Variants in CISD1 observed in about 807,000 individuals in gnomAD.
CISD1 encodes CDGSH iron-sulfur domain-containing protein 1.
Under a neutral mutation model 12.0 loss-of-function variants are expected in CISD1, and 8 were observed. The ratio of observed to expected loss-of-function variants is 0.67; its 90% CI spans 0.39 to 1.20. CISD1 has a LOEUF of 1.20. Ranked by LOEUF, CISD1 falls within the 50% of genes most tolerant of loss-of-function variation. CISD1 has a pLI of 0.01. For missense variants in CISD1, 107 were observed against 132.7 expected, an observed-to-expected ratio of 0.81 and a Z score of 0.95; for synonymous variants, 38 against 42.2, an observed-to-expected ratio of 0.90 and a Z score of 0.39.
At chr10:58,287,300 C>A (rs892021144) in intron 2 of CISD1, among the ~76,000 whole-genome samples, 1 of 152,132 alleles carries the variant, frequency 6.6e-6, no homozygotes, top group Non-Finnish European at 1.5e-5. Context: ...AGGAATGTAA[C>A]TAATATATAA....
chr10:58,275,989 G>A (rs1271080198), intron 1 of CISD1: 1 of 152,012 alleles, frequency 6.6e-6, no homozygotes, highest in East Asian at 1.9e-4. Flanking sequence ...GTGTTTTTTT[G>A]TACTTGTCTG....
At chr10:58,286,731 A>G (rs1295300136) in intron 2 of CISD1, among the ~76,000 whole-genome samples, 2 of 152,188 alleles carry the variant, frequency 1.3e-5, no homozygotes, top group East Asian at 3.9e-4. Flanking sequence ...CAGCAGTTAT[A>G]TCTAAAATGT....
At chr10:58,280,349 C>T (rs938715281) in intron 2 of CISD1, among the ~76,000 whole-genome samples, 17 of 152,128 alleles carry the variant, frequency 1.1e-4, no homozygotes, top group Admixed American at 4.6e-4. Context: ...TAAAAGATTT[C>T]GGGGAAAGGA....
chr10:58,273,624 T>C (rs1839274243), intron 1 of CISD1: 1 of 152,018 alleles, frequency 6.6e-6, no homozygotes, highest in African/African-American at 2.4e-5. Flanking sequence ...CTCTGAATAA[T>C]TTTAAAGAGA....
At chr10:58,279,069 A>G (rs1224612021) in intron 2 of CISD1, among the ~76,000 whole-genome samples, 1 of 152,224 alleles carries the variant, frequency 6.6e-6, no homozygotes, top group Non-Finnish European at 1.5e-5. Context: ...ATATAAATTC[A>G]TAGTCGGGAA....
At chr10:58,276,898 T>C (rs1839320946) in intron 1 of CISD1, among the ~76,000 whole-genome samples, 1 of 152,128 alleles carries the variant, frequency 6.6e-6, no homozygotes, top group South Asian at 2.1e-4. Flanking sequence ...AATGTAGCTA[T>C]CATCACTCAG....
rs902603257 is a variant in CISD1 at position 58,276,661 on chromosome 10, G to T, written c.32-456G>T. On this transcript the variant is annotated intron_variant, in intron 1 of 2. Transcript: ENST00000333926. ...TTAAATAATTTAAAAATCACTAAGG[G>T]ATCTTACTATTTAAATAAACTCAAA... Among the ~76,000 whole-genome samples, 46 of 151,050 alleles carry T rather than the reference G, an allele frequency of 3.0e-4. 1 individual carries two copies. The highest frequency in any genetic ancestry group is 2.5e-3 in the Admixed American group (38 of 15,210).
At chr10:58,272,149 T>C (rs1223968007) in intron 1 of CISD1, among the ~76,000 whole-genome samples, 1 of 151,994 alleles carries the variant, frequency 6.6e-6, no homozygotes, top group Non-Finnish European at 1.5e-5. Flanking sequence ...CTCAGTGATA[T>C]CTGTTGTTCG....
chr10:58,283,047 T>C (rs1334550324), intron 2 of CISD1: 1 of 152,178 alleles, frequency 6.6e-6, no homozygotes, highest in Non-Finnish European at 1.5e-5. Flanking sequence ...GAAATGCAAC[T>C]GGACATGTTT....
intron 1 of CISD1, chr10:58,276,160 G>A (rs1839313432): frequency 6.6e-6 from 1 of 152,128 alleles, no homozygotes; most frequent in South Asian, 2.1e-4. Context: ...CTGAGGCTGA[G>A]GCTAACCAGA....
chr10:58,275,988 T>G (rs543766699), intron 1 of CISD1: 1 of 152,344 alleles, frequency 6.6e-6, no homozygotes, highest in African/African-American at 2.4e-5. Flanking sequence ...TGTGTTTTTT[T>G]GTACTTGTCT....
intron 1 of CISD1, chr10:58,276,072 G>C (rs1839312415): frequency 6.6e-6 from 1 of 152,180 alleles, no homozygotes; most frequent in African/African-American, 2.4e-5. Flanking sequence ...TGCTGGGAAG[G>C]AGTCCAGTGT....
intron 2 of CISD1, among the ~76,000 whole-genome samples, chr10:58,286,828 T>C (rs1333202605): frequency 6.6e-6 from 1 of 152,208 alleles, no homozygotes; most frequent in Non-Finnish European, 1.5e-5. Flanking sequence ...AGGGAGATAT[T>C]GACATATTTG....
Position 58,277,267 on chromosome 10 carries a change from A to T in CISD1, c.182A>T (p.Asp61Val). Residue 61 changes from aspartate (D) to valine (V), a missense_variant, in exon 2 of 3, where the codon GAC becomes GTC. Transcript: ENST00000333926. ...KDNPKIVHAF[D>V]MEDLGDKAVY... ...AACCCCAAGATAGTACATGCTTTTGACATGGAGGATTTGGGAGATAAAGCT... is the reference window on the plus strand; with the variant it reads ...AACCCCAAGATAGTACATGCTTTTGTCATGGAGGATTTGGGAGATAAAGCT... 1.2e-6 allele frequency: 2 copies of T among 1,611,372 alleles called. No homozygotes were observed. The highest frequency in any genetic ancestry group is 1.7e-6 in the Non-Finnish European group (2 of 1,178,852).
chr10:58,273,908 C>T (rs981791522), intron 1 of CISD1, among the ~76,000 whole-genome samples: 15 of 151,954 alleles, frequency 9.9e-5, no homozygotes, highest in African/African-American at 3.1e-4. Context: ...CCGAGGCAGG[C>T]GGATCACCTG....
intron 2 of CISD1, among the ~76,000 whole-genome samples, chr10:58,279,006 T>C (rs1257060878): frequency 3.3e-5 from 5 of 152,200 alleles, no homozygotes; most frequent in African/African-American, 1.2e-4. Context: ...TGTTTTTTAC[T>C]GTTAAGTACT....
At chr10:58,283,956 G>A (rs901336441) in intron 2 of CISD1, among the ~76,000 whole-genome samples, 1 of 151,982 alleles carries the variant, frequency 6.6e-6, no homozygotes, top group Admixed American at 6.6e-5. Context: ...AATATTCTTT[G>A]TGTTTTTTTC....
intron 1 of CISD1, among the ~76,000 whole-genome samples, chr10:58,271,159 C>A (rs1381359812): frequency 1.3e-5 from 2 of 149,962 alleles, no homozygotes; most frequent in Non-Finnish European, 3.0e-5. Flanking sequence ...CCTGCCTCAG[C>A]CTCCCAAGTA....
intron 1 of CISD1, among the ~76,000 whole-genome samples, chr10:58,275,176 G>A (rs1351848296): frequency 6.6e-6 from 1 of 152,170 alleles, no homozygotes; most frequent in Non-Finnish European, 1.5e-5. Context: ...TAAAGATGAT[G>A]TTCAGCAAAT....
Sources: gnomAD v4.1 joint callset for allele counts (sites outside exome capture counted in the v4.1 genomes callset) on GRCh38, gnomAD v4.1.1 for gene constraint, MANE v1.5 for transcripts, NCBI Gene and HGNC (gene_info 2026-07-23, HGNC 2026-07-21) for gene names.